Variants in PLCE1 observed in about 807,000 individuals in gnomAD.
PLCE1 encodes phospholipase C epsilon 1.
In PLCE1, 119 loss-of-function variants were observed where a neutral mutation model predicts 242.8. That is an observed-to-expected ratio of 0.49 (90% CI 0.42 to 0.57). The LOEUF is 0.57. Ranked by LOEUF, PLCE1 falls within the 20% of genes least tolerant of loss-of-function variation. The probability of loss-of-function intolerance (pLI) is 0.00; values close to 1 mark genes in which losing one functional copy is unlikely to be tolerated. For synonymous variants in PLCE1, 945 were observed against 1,017.4 expected, an observed-to-expected ratio of 0.93 and a Z score of 1.35; for missense variants, 2,441 against 2,788.8, an observed-to-expected ratio of 0.88 and a Z score of 2.81.
intron 13 of PLCE1, among the ~76,000 whole-genome samples, chr10:94,261,500 T>A (rs539806293): frequency 6.6e-6 from 1 of 152,332 alleles, no homozygotes; most frequent in Middle Eastern, 3.4e-3. Flanking sequence ...AGTTTTTCCA[T>A]CATTTGGGTA....
In PLCE1 at chr10:94,258,933, A is replaced by G; in HGVS notation, c.3677+11A>G. On this transcript the variant is annotated intron_variant, in intron 12 of 32. Transcript: ENST00000371380. Reference sequence around the variant, plus strand: ...GTTCAAATCATTCAGGTACAGTCTTATGTTTCCTTCTTATTCTTTCTCAGG... The same window carrying G: ...GTTCAAATCATTCAGGTACAGTCTTGTGTTTCCTTCTTATTCTTTCTCAGG... The G allele has an allele frequency of 6.2e-7, 1 of 1,614,038 alleles. No homozygotes were observed. Among genetic ancestry groups the G allele is most frequent in the Non-Finnish European group, 8.5e-7 (1 of 1,179,942 alleles).
chr10:94,052,800 G>C (rs1054655216), intron 2 of PLCE1, among the ~76,000 whole-genome samples: 2 of 152,092 alleles, frequency 1.3e-5, no homozygotes. Context: ...CATATAAAGA[G>C]CAATTACTTT....
intron 4 of PLCE1, among the ~76,000 whole-genome samples, chr10:94,195,370 C>T (rs1341443750): frequency 6.6e-6 from 1 of 152,058 alleles, no homozygotes; most frequent in East Asian, 1.9e-4. Flanking sequence ...GATTTGGGGA[C>T]TAAGTGCCTA....
intron 2 of PLCE1, among the ~76,000 whole-genome samples, chr10:94,127,061 T>C (rs964694936): frequency 3.9e-5 from 6 of 152,214 alleles, no homozygotes; most frequent in African/African-American, 1.2e-4. Context: ...CTAGGCTTAC[T>C]TTCCCATCTA....
At chr10:94,223,647 A>G (rs1391486953) in intron 4 of PLCE1, among the ~76,000 whole-genome samples, 1 of 152,168 alleles carries the variant, frequency 6.6e-6, no homozygotes, top group Non-Finnish European at 1.5e-5. Context: ...GGCATGGTCC[A>G]GGGGGTTATG....
At chr10:94,315,075 A>G (rs1469796373) in intron 28 of PLCE1, 1 of 233,700 alleles carries the variant, frequency 4.3e-6, no homozygotes, top group Non-Finnish European at 8.5e-6. Flanking sequence ...AGGACTGAGC[A>G]GGGGGTGATG....
chr10:94,120,172 T>A (rs2135755716), intron 2 of PLCE1, among the ~76,000 whole-genome samples: 1 of 152,284 alleles, frequency 6.6e-6, no homozygotes, highest in East Asian at 1.9e-4. Flanking sequence ...TCTTCCAGGC[T>A]CCATGTCCTC....
chr10:94,126,974 A>G (rs2046453338), intron 2 of PLCE1, among the ~76,000 whole-genome samples: 1 of 152,026 alleles, frequency 6.6e-6, no homozygotes, highest in Non-Finnish European at 1.5e-5. Context: ...TGGACCACAG[A>G]GTTAGAGAAA....
At chr10:94,154,896 A>G (rs1485670904) in intron 3 of PLCE1, among the ~76,000 whole-genome samples, 1 of 132,676 alleles carries the variant, frequency 7.5e-6, no homozygotes, top group Non-Finnish European at 1.6e-5. Context: ...ATATATATAC[A>G]TATATATATA....
chr10:94,012,794 A>T (rs1214149605), intron 1 of PLCE1, among the ~76,000 whole-genome samples: 1 of 151,264 alleles, frequency 6.6e-6, no homozygotes, highest in Non-Finnish European at 1.5e-5. Context: ...AACTCCCTAA[A>T]CTCTGTGTAG....
chr10:94,293,466 C>A (rs1392481730), intron 22 of PLCE1, 42 bp from the exon 23 acceptor site: 12 of 1,605,038 alleles, frequency 7.5e-6, no homozygotes, highest in Non-Finnish European at 1.0e-5. Flanking sequence ...AGTTGCCTTG[C>A]TTGTAGTTTT....
chr10:94,283,033 T>G (rs762283471), intron 20 of PLCE1: 2 of 152,252 alleles, frequency 1.3e-5, no homozygotes, highest in Non-Finnish European at 2.9e-5. Context: ...TGTGCTCTGA[T>G]GATGCGATAC....
intron 2 of PLCE1, among the ~76,000 whole-genome samples, chr10:94,081,062 T>A (rs941545299): frequency 1.3e-5 from 2 of 152,246 alleles, no homozygotes; most frequent in Non-Finnish European, 2.9e-5. Context: ...GAAAATGTTA[T>A]CTCAATCTTG....
chr10:94,269,485 C>T (rs2051646552), intron 17 of PLCE1, among the ~76,000 whole-genome samples: 1 of 152,110 alleles, frequency 6.6e-6, no homozygotes, highest in Non-Finnish European at 1.5e-5. Context: ...ATGAAGACTT[C>T]CCAAAAGTGT....
chr10:94,273,748 A>T, intron 19 of PLCE1, 28 bp downstream of exon 19: 1 of 1,604,426 alleles, frequency 6.2e-7, no homozygotes, highest in East Asian at 2.2e-5. Flanking sequence ...ACCAGTTATG[A>T]AAAGGCAGTG....
Position 94,293,523 on chromosome 10 carries a change from A to G in PLCE1, c.5051A>G (p.Asn1684Ser). The G allele has an allele frequency of 6.2e-7, 1 of 1,613,728 alleles. No individual in the cohort carries two copies. ...AVKFPGLSTL[N>S]ASGSSRGKER... ...ATGGGAACAGGACTGTCAACTCTAAATGCATCTGGCTCTAGCAGAGGAAAA... is the reference window on the plus strand; with the variant it reads ...ATGGGAACAGGACTGTCAACTCTAAGTGCATCTGGCTCTAGCAGAGGAAAA... The change falls in exon 23 of 33, where the codon AAT becomes AGT. Residue 1684 changes from asparagine (N) to serine (S), a missense_variant. By Grantham distance (46) the Asn-to-Ser change is conservative (BLOSUM62 1). Transcript: ENST00000371380.
intron 22 of PLCE1, among the ~76,000 whole-genome samples, chr10:94,287,968 C>A (rs1001450198): frequency 1.3e-5 from 2 of 152,086 alleles, no homozygotes. Flanking sequence ...GACTCTTCAA[C>A]TCATTGTGAC....
chr10:94,040,522 A>G (rs970702296), intron 2 of PLCE1, among the ~76,000 whole-genome samples: 11 of 152,196 alleles, frequency 7.2e-5, no homozygotes, highest in Non-Finnish European at 1.5e-4. Context: ...ATGCACAGGT[A>G]CAAGCAGGGC....
intron 4 of PLCE1, among the ~76,000 whole-genome samples, chr10:94,179,841 C>A (rs1318229229): frequency 6.6e-6 from 1 of 151,462 alleles, no homozygotes; most frequent in Non-Finnish European, 1.5e-5. Context: ...AATAATATAT[C>A]TACCCCAAAT....
Sources: allele counts gnomAD v4.1 joint callset (sites outside exome capture counted in the v4.1 genomes callset), GRCh38; gene constraint gnomAD v4.1.1; transcripts MANE v1.5; gene names NCBI Gene and HGNC (gene_info 2026-07-23, HGNC 2026-07-21).